MLLT3: variants seen among roughly 807,000 people sequenced by gnomAD.
MLLT3 encodes protein AF-9.
In MLLT3, 4 loss-of-function variants were observed where a neutral mutation model predicts 53.2. The observed-to-expected ratio is 0.08, with a 90% CI of 0.04 to 0.17. MLLT3 has a LOEUF of 0.17. Among genes scored for constraint, MLLT3 ranks in the 10% least tolerant of loss-of-function variants. The probability of loss-of-function intolerance (pLI) is 1.00; values close to 1 mark genes in which losing one functional copy is unlikely to be tolerated. For synonymous variants in MLLT3, 283 were observed against 230.6 expected (o/e 1.23, Z -2.06); for missense variants, 569 against 684.0 (o/e 0.83, Z 1.87).
intron 5 of MLLT3, among the ~76,000 whole-genome samples, chr9:20,374,757 G>A (rs977350554): frequency 2.6e-5 from 4 of 152,156 alleles, no homozygotes; most frequent in Non-Finnish European, 1.5e-5. Flanking sequence ...GTATTTTTGT[G>A]TAGCTCTATC....
At chr9:20,590,538 G>T (rs1229983297) in intron 2 of MLLT3, among the ~76,000 whole-genome samples, 1 of 152,052 alleles carries the variant, frequency 6.6e-6, no homozygotes, top group Admixed American at 6.6e-5. Flanking sequence ...TTGTCTGTCT[G>T]TCTCTCTCTC....
chr9:20,417,217 G>T (rs1050124577), intron 4 of MLLT3, among the ~76,000 whole-genome samples: 14 of 135,272 alleles, frequency 1.0e-4, no homozygotes, highest in African/African-American at 3.9e-4. Flanking sequence ...ATATATGGGG[G>T]TCTTGTCACC....
rs1405201055 is a variant in MLLT3 at position 20,360,794 on chromosome 9, G to A, written c.1379C>T (p.Ser460Leu). 3.7e-6 allele frequency: 6 copies of A among 1,614,026 alleles called. No homozygotes were observed. In the African/African-American group the frequency reaches 8.0e-5, roughly 22 times the overall value. The change falls in exon 8 of 11, where the codon TCA (serine) becomes TTA (leucine). Residue 460 changes from serine (S) to leucine (L), a missense_variant. Ser to Leu is a moderately radical substitution (Grantham distance 145). Transcript: ENST00000380338. ...GSDSESSSAS[S>L]PLHHEPPPPL... ...TGGTGGAGGTTCGTGATGTAGGGGTGAAGAAGCAGAACTGCTTTCACTATC... is the reference window on the plus strand; with the variant it reads ...TGGTGGAGGTTCGTGATGTAGGGGTAAAGAAGCAGAACTGCTTTCACTATC...
At chr9:20,463,776 T>C (rs1392362639) in intron 2 of MLLT3, among the ~76,000 whole-genome samples, 2 of 152,162 alleles carry the variant, frequency 1.3e-5, no homozygotes, top group Non-Finnish European at 2.9e-5. Flanking sequence ...TTGAGACTTG[T>C]ATTCCAAGAA....
chr9:20,567,991 T>A (rs2131160509), intron 2 of MLLT3, among the ~76,000 whole-genome samples: 1 of 152,228 alleles, frequency 6.6e-6, no homozygotes, highest in South Asian at 2.1e-4. Context: ...TGACTTGGAG[T>A]CCATGTTCTG....
chr9:20,491,178 A>G (rs1160539004), intron 2 of MLLT3, among the ~76,000 whole-genome samples: 4 of 152,168 alleles, frequency 2.6e-5, no homozygotes, highest in Admixed American at 6.6e-5. Flanking sequence ...CTATGTAACT[A>G]TGTACTTCTT....
At position 20,344,963 on chromosome 9, in the gene MLLT3, T is replaced by G. The variant is rs1482151090; in HGVS notation, c.*1480A>C. On this transcript the variant is annotated 3_prime_UTR_variant, in exon 11 of 11. Coordinates refer to ENST00000380338, the MANE Select transcript of MLLT3 (RefSeq NM_004529.4). ...GAAGTATTTCTTCATTTCTCTTCTTTTCGGCTGAATTTCTAGTAAAAACTT... is the reference window on the plus strand; with the variant it reads ...GAAGTATTTCTTCATTTCTCTTCTTGTCGGCTGAATTTCTAGTAAAAACTT... The G allele has an allele frequency of 4.6e-6, 1 of 216,092 alleles. No homozygotes were observed. Among genetic ancestry groups the G allele is most frequent in the African/African-American group, 2.2e-5 (1 of 44,466 alleles). The allele number at this position is 216,092 out of a possible 1,614,324, so 13.4% of individuals were successfully genotyped here.
intron 3 of MLLT3, among the ~76,000 whole-genome samples, chr9:20,453,351 A>C (rs937246219): frequency 9.2e-5 from 14 of 152,156 alleles, no homozygotes; most frequent in African/African-American, 3.4e-4. Flanking sequence ...ACTTGAGCCC[A>C]GGAGCTCGAA....
chr9:20,398,988 C>T (rs1822390200), intron 5 of MLLT3, among the ~76,000 whole-genome samples: 1 of 152,156 alleles, frequency 6.6e-6, no homozygotes, highest in South Asian at 2.1e-4. Context: ...TGTACTCCAA[C>T]ACAAAGGCAA....
intron 2 of MLLT3, among the ~76,000 whole-genome samples, chr9:20,482,347 T>C (rs1428476105): frequency 1.3e-5 from 2 of 152,222 alleles, no homozygotes; most frequent in African/African-American, 4.8e-5. Context: ...TCTGTTCTGC[T>C]TCCCTGTTCC....
rs116877977 is a variant in MLLT3 at position 20,595,759 on chromosome 9, G to A, written c.193+24895C>T. Among the ~76,000 whole-genome samples the A allele has an allele frequency of 5.7e-3, 872 of 152,252 alleles. 7 individuals carry two copies. Among genetic ancestry groups the A allele is most frequent in the African/African-American group, 0.02 (834 of 41,534 alleles). ...AGTAACCACAAAAAAAGAAAGACAC[G>A]ATTTTATATAAAAAGTCTTATCAGA... On this transcript the variant is annotated intron_variant, in intron 2 of 10. Transcript: ENST00000380338.
chr9:20,373,910 G>C (rs1821684793), intron 5 of MLLT3, among the ~76,000 whole-genome samples: 2 of 150,766 alleles, frequency 1.3e-5, no homozygotes, highest in Admixed American at 6.6e-5. Flanking sequence ...TGAAGTATTA[G>C]GTTCTTCTCA....
chr9:20,373,047 G>A (rs527405026), intron 5 of MLLT3, among the ~76,000 whole-genome samples: 1 of 152,226 alleles, frequency 6.6e-6, no homozygotes, highest in African/African-American at 2.4e-5. Flanking sequence ...ATATGCTGAA[G>A]TATCTTAATT....
At chr9:20,619,098 A>G (rs1037084594) in intron 2 of MLLT3, among the ~76,000 whole-genome samples, 1 of 152,212 alleles carries the variant, frequency 6.6e-6, no homozygotes, top group Non-Finnish European at 1.5e-5. Flanking sequence ...GAAGCAGCAT[A>G]TCAACCTCAT....
At chr9:20,395,577 T>C (rs915621637) in intron 5 of MLLT3, among the ~76,000 whole-genome samples, 2 of 152,192 alleles carry the variant, frequency 1.3e-5, no homozygotes, top group Non-Finnish European at 2.9e-5. Flanking sequence ...CCTTTCATGT[T>C]GGCTATGTGT....
intron 1 of MLLT3, 35 bp downstream of exon 1, chr9:20,622,210 G>T: frequency 6.3e-7 from 1 of 1,589,862 alleles, no homozygotes; most frequent in Non-Finnish European, 8.6e-7. Flanking sequence ...GGAAAGTGGG[G>T]GAGGGCTTTT....
chr9:20,364,137 G>C (rs1003609987), intron 6 of MLLT3, among the ~76,000 whole-genome samples: 1 of 152,166 alleles, frequency 6.6e-6, no homozygotes, highest in Non-Finnish European at 1.5e-5. Context: ...TCCTACCTCT[G>C]ATCTTCACAT....
At chr9:20,537,360 A>G (rs1469267957) in intron 2 of MLLT3, among the ~76,000 whole-genome samples, 2 of 152,244 alleles carry the variant, frequency 1.3e-5, no homozygotes, top group Non-Finnish European at 2.9e-5. Context: ...TGTACAATTT[A>G]CAGAAAATGA....
At chr9:20,528,442 G>T (rs760734106) in intron 2 of MLLT3, among the ~76,000 whole-genome samples, 1 of 152,204 alleles carries the variant, frequency 6.6e-6, no homozygotes, top group African/African-American at 2.4e-5. Context: ...CACAAACTTT[G>T]TGCTTTAAAA....
Sources: allele counts gnomAD v4.1 joint callset (sites outside exome capture counted in the v4.1 genomes callset), GRCh38; gene constraint gnomAD v4.1.1; transcripts MANE v1.5; gene names NCBI Gene and HGNC (gene_info 2026-07-23, HGNC 2026-07-21).